Variants in GPM6B observed in about 807,000 individuals in gnomAD.
GPM6B encodes the protein neuronal membrane glycoprotein M6-b.
GPM6B carries 4 observed loss-of-function variants against 27.2 expected under a neutral mutation model. That is an observed-to-expected ratio of 0.15 (90% CI 0.07 to 0.34). GPM6B has a LOEUF of 0.34. Among genes scored for constraint, GPM6B ranks in the 10% least tolerant of loss-of-function variants. The probability of loss-of-function intolerance (pLI) is 1.00; values close to 1 mark genes in which losing one functional copy is unlikely to be tolerated. For missense variants in GPM6B, 183 were observed against 261.9 expected (o/e 0.70, Z 2.08); for synonymous variants, 124 against 103.1 (o/e 1.20, Z -1.23).
intron 1 of GPM6B, among the ~76,000 whole-genome samples, chrX:13,869,929 G>A (rs1034859891): frequency 1.1e-4 from 12 of 112,100 alleles, no homozygotes; most frequent in Middle Eastern, 4.2e-3. Context: ...TCAGAATCTT[G>A]TGCGGCATTT....
chrX:13,858,171 AAAC>A (rs1319181887), intron 1 of GPM6B, among the ~76,000 whole-genome samples: 2 of 112,038 alleles, frequency 1.8e-5, no homozygotes, highest in African/African-American at 6.5e-5. Context: ...GTTCTCTTGG[AAAC>A]AACAACAAAA....
At chrX:13,786,936 C>T (rs1414180647) in intron 2 of GPM6B, among the ~76,000 whole-genome samples, 1 of 105,684 alleles carries the variant, frequency 9.5e-6, no homozygotes, top group Non-Finnish European at 1.9e-5. Flanking sequence ...ATTATCCAGA[C>T]CCTTAAGTAA....
chrX:13,772,082 G>T lies in GPM6B; in HGVS notation c.*799C>A, dbSNP rs2048310010. Reference sequence around the variant, plus strand: ...GAAAGATATTTGGGTCTCTAGTTATGATATAAATTCTTAGAAATTTAAAGC... The same window carrying T: ...GAAAGATATTTGGGTCTCTAGTTATTATATAAATTCTTAGAAATTTAAAGC... On this transcript the variant is annotated 3_prime_UTR_variant, in exon 8 of 8. Coordinates refer to ENST00000316715, the MANE Select transcript of GPM6B (RefSeq NM_001001995.3). 1 of 112,253 alleles carries T rather than the reference G, an allele frequency of 8.9e-6. No individual in the cohort carries two copies. The highest frequency in any genetic ancestry group is 3.2e-5 in the African/African-American group (1 of 30,882). The allele number at this position is 112,253 out of a possible 1,213,427, so 9.3% of individuals were successfully genotyped here. A position where few individuals can be genotyped will look rare whatever the true frequency, so the allele number is the denominator to read the frequency against.
At chrX:13,833,369 CAT>C (rs1441612104) in intron 1 of GPM6B, among the ~76,000 whole-genome samples, 2 of 109,808 alleles carry the variant, frequency 1.8e-5, no homozygotes, top group African/African-American at 6.6e-5. Flanking sequence ...AACCTCTTTC[CAT>C]ATATTTGAGA....
intron 1 of GPM6B, among the ~76,000 whole-genome samples, chrX:13,841,676 TTTCTAC>T (rs2049576898): frequency 9.0e-6 from 1 of 111,325 alleles, no homozygotes; most frequent in Non-Finnish European, 1.9e-5. Flanking sequence ...TCTACCTGGT[TTTCTAC>T]TTCTATGTTC....
intron 1 of GPM6B, among the ~76,000 whole-genome samples, chrX:13,839,464 C>G (rs147613724): frequency 8.9e-6 from 1 of 111,874 alleles, no homozygotes; most frequent in African/African-American, 3.3e-5. Flanking sequence ...TATTTGGCTC[C>G]GAATAAACTT....
intron 1 of GPM6B, among the ~76,000 whole-genome samples, chrX:13,885,284 A>G (rs1348335001): frequency 8.9e-6 from 1 of 112,590 alleles, no homozygotes; most frequent in East Asian, 2.8e-4. Flanking sequence ...AACATATTAG[A>G]TAACATAAGC....
intron 1 of GPM6B, among the ~76,000 whole-genome samples, chrX:13,809,551 G>T (rs182589150): frequency 9.0e-6 from 1 of 111,047 alleles, no homozygotes; most frequent in Non-Finnish European, 1.9e-5. Flanking sequence ...CAAGGCGGGC[G>T]GATCACTTGA....
Position 13,876,904 on chromosome X carries a change from A to T in GPM6B, c.-198+61423T>A, listed in dbSNP as rs191639480. On this transcript the variant is annotated intron_variant, in intron 1 of 6. Coordinates refer to the GPM6B transcript ENST00000398361. ...GAATAACAGACAACTCACTGGAGTA[A>T]TTTGGGAACACCATCTCAACTCCCG... Among the ~76,000 whole-genome samples, 322 of 111,052 alleles carry T rather than the reference A, an allele frequency of 2.9e-3. 1 individual carries two copies. The highest frequency in any genetic ancestry group is 4.9e-3 in the Non-Finnish European group (261 of 52,870).
intron 2 of GPM6B, among the ~76,000 whole-genome samples, chrX:13,793,391 G>A (rs1252182731): frequency 9.0e-6 from 1 of 111,305 alleles, no homozygotes. Flanking sequence ...AAAGTAAGCT[G>A]TGCCCCGTCC....
chrX:13,934,161 C>T (rs1162808243), intron 1 of GPM6B, among the ~76,000 whole-genome samples: 1 of 110,550 alleles, frequency 9.0e-6, no homozygotes, highest in African/African-American at 3.3e-5. Flanking sequence ...ACAAACAGTA[C>T]TCCGTGGTAT....
Position 13,776,231 on chromosome X carries a change from T to TA in GPM6B, c.837+6dup. 8.3e-7 allele frequency: 1 copy of TA among 1,202,674 alleles called. No homozygotes were observed. The highest frequency in any genetic ancestry group is 1.7e-5 in the African/African-American group (1 of 57,587). ...TAGACTAGGGTGGTCTTGGGGCCAT[T>TA]ACTCACCAGGGCAATGACGGTGGCA... On this transcript the variant is annotated splice_region_variant and intron_variant, in intron 7 of 7. Transcript: ENST00000316715.
At chrX:13,823,623 G>A (rs764629564) in intron 1 of GPM6B, among the ~76,000 whole-genome samples, 2 of 108,850 alleles carry the variant, frequency 1.8e-5, no homozygotes, top group Non-Finnish European at 3.8e-5. Flanking sequence ...GAGTTCAAGC[G>A]ATTCTCCTGC....
chrX:13,800,124 T>A (rs770569993), intron 2 of GPM6B, among the ~76,000 whole-genome samples: 1 of 110,553 alleles, frequency 9.0e-6, no homozygotes, highest in East Asian at 2.9e-4. Context: ...TCACTTGCTC[T>A]CTCTATCTGA....
intron 1 of GPM6B, among the ~76,000 whole-genome samples, chrX:13,808,163 G>A (rs921647029): frequency 4.4e-5 from 5 of 112,426 alleles, no homozygotes; most frequent in Admixed American, 1.9e-4. Flanking sequence ...AAAGGTGAAC[G>A]CAGGCTCCCT....
intron 4 of GPM6B, 28 bp from the exon 5 acceptor site, chrX:13,780,017 C>T: frequency 3.5e-6 from 4 of 1,138,425 alleles, no homozygotes; most frequent in Non-Finnish European, 4.8e-6. Flanking sequence ...GAAGGACAAT[C>T]ATCACTGAAA....
chrX:13,886,428 T>C (rs182947753), intron 1 of GPM6B, among the ~76,000 whole-genome samples: 1 of 110,372 alleles, frequency 9.1e-6, no homozygotes, highest in Non-Finnish European at 1.9e-5. Context: ...CTTGAGTACC[T>C]GAAAAACGCT....
rs753164935 is a variant in GPM6B, at chrX:13,815,375, T to C, written c.61+1469A>G. On this transcript the variant is annotated intron_variant, in intron 1 of 7. Transcript: ENST00000316715. The stretch of plus-strand genomic sequence containing the variant: ...CAATCAACTTAGTCTCTAGTCATCA[T>C]GGAAAAAACTTTGATCTCACTTCTT... Among the ~76,000 whole-genome samples the C allele has an allele frequency of 4.5e-5, 5 of 111,606 alleles. No individual in the cohort carries two copies. In the South Asian group the frequency reaches 1.9e-3, roughly 42 times the overall value.
At chrX:13,854,659 T>C (rs756178134) in intron 1 of GPM6B, among the ~76,000 whole-genome samples, 16 of 112,150 alleles carry the variant, frequency 1.4e-4, no homozygotes, top group Admixed American at 2.8e-4. Flanking sequence ...TAAGAAGATA[T>C]TGAACATTCC....
Sources: allele counts gnomAD v4.1 joint callset (sites outside exome capture counted in the v4.1 genomes callset), GRCh38; gene constraint gnomAD v4.1.1; transcripts MANE v1.5; gene names NCBI Gene and HGNC (gene_info 2026-07-23, HGNC 2026-07-21).